LRRIQ1: variants seen among roughly 807,000 people sequenced by gnomAD.
LRRIQ1 encodes the protein leucine rich repeats and IQ motif containing 1.
Under a neutral mutation model 211.9 loss-of-function variants are expected in LRRIQ1, and 210 were observed. That is an observed-to-expected ratio of 0.99 (90% confidence interval 0.89 to 1.11). The LOEUF (loss-of-function observed/expected upper bound fraction) is 1.11. Ranked by LOEUF, LRRIQ1 falls within the 50% of genes most tolerant of loss-of-function variation. The pLI, the probability that LRRIQ1 is intolerant of heterozygous loss-of-function variation, is 0.00. For missense variants in LRRIQ1, 2,136 were observed against 1,939.5 expected, an observed-to-expected ratio of 1.10 and a Z score of -1.90; for synonymous variants, 699 against 650.1, an observed-to-expected ratio of 1.08 and a Z score of -1.14.
chr12:85,262,926 A>T lies in LRRIQ1; in HGVS notation c.133A>T (p.Lys45Ter). 1.0e-6 allele frequency: 1 copy of T among 984,220 alleles called. No individual in the cohort carries two copies. The highest frequency in any genetic ancestry group is 1.2e-6 in the Non-Finnish European group (1 of 826,656). The allele number at this position is 984,220 out of a possible 1,614,324, so 61.0% of individuals were successfully genotyped here. ...ATATCACTGTCTAGGTTGTTCAGTT[A>T]AGGGAATACCAATATCGCCAATAAT... Residue 45 changes from lysine to a stop codon, truncating the protein, a stop_gained, in exon 2 of 2, where the codon AAG becomes TAG. Coordinates refer to the LRRIQ1 transcript ENST00000602731. LOFTEE classifies it high-confidence loss of function.
At chr12:85,169,150 A>G (rs1236325408) in intron 24 of LRRIQ1, among the ~76,000 whole-genome samples, 1 of 152,178 alleles carries the variant, frequency 6.6e-6, no homozygotes, top group Non-Finnish European at 1.5e-5. Flanking sequence ...GAGATAGGAG[A>G]CAAAACTTCA....
intron 11 of LRRIQ1, among the ~76,000 whole-genome samples, chr12:85,091,791 A>G (rs1885423008): frequency 6.6e-6 from 1 of 152,160 alleles, no homozygotes; most frequent in Non-Finnish European, 1.5e-5. Context: ...AAAATTTGTT[A>G]AATATTAGAT....
chr12:85,130,770 G>A (rs1329182980), intron 18 of LRRIQ1, among the ~76,000 whole-genome samples: 2 of 152,090 alleles, frequency 1.3e-5, no homozygotes, highest in Non-Finnish European at 2.9e-5. Context: ...GCTTAAGAAG[G>A]ATCAAAATGA....
chr12:85,176,559 A>G (rs1891710791), intron 24 of LRRIQ1, among the ~76,000 whole-genome samples: 1 of 129,944 alleles, frequency 7.7e-6, no homozygotes, highest in Non-Finnish European at 1.6e-5. Context: ...ACATGGACAC[A>G]GGAAGGGGAA....
chr12:85,228,467 A>G (rs1894775684), intron 24 of LRRIQ1, among the ~76,000 whole-genome samples: 1 of 152,196 alleles, frequency 6.6e-6, no homozygotes, highest in Non-Finnish European at 1.5e-5. Flanking sequence ...TAGAAACATA[A>G]GGTCGCATAA....
chr12:85,076,125 C>G (rs1883625524), intron 11 of LRRIQ1, among the ~76,000 whole-genome samples: 1 of 150,376 alleles, frequency 6.6e-6, no homozygotes, highest in African/African-American at 2.4e-5. Context: ...GACATTTTTT[C>G]AAAATAAATT....
At chr12:85,078,889 T>A (rs1421233818) in intron 11 of LRRIQ1, among the ~76,000 whole-genome samples, 2 of 152,162 alleles carry the variant, frequency 1.3e-5, no homozygotes, top group Non-Finnish European at 2.9e-5. Context: ...AATAAAACTT[T>A]TGGATTCACA....
At chr12:85,200,012 A>G (rs1456563322) in intron 24 of LRRIQ1, among the ~76,000 whole-genome samples, 1 of 152,164 alleles carries the variant, frequency 6.6e-6, no homozygotes, top group Non-Finnish European at 1.5e-5. Flanking sequence ...GGAGTATATC[A>G]TTGGTAGTTT....
At position 85,153,005 on chromosome 12, in the gene LRRIQ1, T is replaced by A; in HGVS notation, c.4420-19T>A. ...ATTTTTTATTTTACTTCACACTTATTTACTTTTTTTGTGAAAAGATTCCTG... is the reference window on the plus strand; with the variant it reads ...ATTTTTTATTTTACTTCACACTTATATACTTTTTTTGTGAAAAGATTCCTG... On this transcript the variant is annotated intron_variant, in intron 20 of 26. Coordinates refer to ENST00000393217, the MANE Select transcript of LRRIQ1 (RefSeq NM_001079910.2). 1.3e-6 allele frequency: 2 copies of A among 1,519,994 alleles called. No individual in the cohort carries two copies. The highest frequency in any genetic ancestry group is 1.8e-6 in the Non-Finnish European group (2 of 1,114,040). 94.2% of individuals were successfully genotyped at this position (1,519,994 alleles called of 1,614,324 possible).
chr12:85,234,103 GGT>G (rs1284411169), intron 26 of LRRIQ1, among the ~76,000 whole-genome samples: 3 of 151,986 alleles, frequency 2.0e-5, no homozygotes, highest in Non-Finnish European at 4.4e-5. Flanking sequence ...TGAGCATGGG[GGT>G]GCACACCTGT....
At chr12:85,175,327 A>G (rs908716334) in intron 24 of LRRIQ1, among the ~76,000 whole-genome samples, 22 of 152,194 alleles carry the variant, frequency 1.4e-4, no homozygotes, top group African/African-American at 5.1e-4. Context: ...ATGATGACAG[A>G]GAACACCATG....
chr12:85,224,673 G>A (rs1276096307), intron 24 of LRRIQ1, among the ~76,000 whole-genome samples: 1 of 143,836 alleles, frequency 7.0e-6, no homozygotes, highest in Non-Finnish European at 1.5e-5. Flanking sequence ...TCATAATTGG[G>A]AGTTGAACAA....
At chr12:85,085,975 A>G (rs530081227) in intron 11 of LRRIQ1, among the ~76,000 whole-genome samples, 162 of 152,322 alleles carry the variant, frequency 1.1e-3, no homozygotes, top group Non-Finnish European at 2.0e-3. Context: ...TTGTTGGGTC[A>G]AATGGTAGTT....
chr12:85,048,779 A>T (rs1211188000), intron 6 of LRRIQ1, among the ~76,000 whole-genome samples: 2 of 152,172 alleles, frequency 1.3e-5, no homozygotes, highest in East Asian at 3.8e-4. Context: ...AATGTAGATT[A>T]TTGGAGTAGT....
At chr12:85,105,946 G>T (rs548939821) in intron 14 of LRRIQ1, among the ~76,000 whole-genome samples, 9 of 151,604 alleles carry the variant, frequency 5.9e-5, no homozygotes, top group Admixed American at 3.3e-4. Flanking sequence ...ACAGGCATGC[G>T]CCACCATGCC....
At position 85,121,695 on chromosome 12, in the gene LRRIQ1, A is replaced by T; in HGVS notation, c.3378-2A>T. ...TATTAACTTTTTTGTTGTTTTCAATAGGGATTCTCTACTTAAAGTGTTGCC... is the reference window on the plus strand; with the variant it reads ...TATTAACTTTTTTGTTGTTTTCAATTGGGATTCTCTACTTAAAGTGTTGCC... On this transcript the variant is annotated splice_acceptor_variant, in intron 15 of 26. Coordinates refer to ENST00000393217, the MANE Select transcript of LRRIQ1 (RefSeq NM_001079910.2). LOFTEE classifies it high-confidence loss of function. 1 of 1,560,408 alleles carries T rather than the reference A, an allele frequency of 6.4e-7. No homozygotes were observed. The highest frequency in any genetic ancestry group is 8.7e-7 in the Non-Finnish European group (1 of 1,155,940).
intron 24 of LRRIQ1, among the ~76,000 whole-genome samples, chr12:85,166,231 A>C (rs1891151325): frequency 6.6e-6 from 1 of 152,128 alleles, no homozygotes; most frequent in African/African-American, 2.4e-5. Flanking sequence ...GCCAGGAAAA[A>C]AATTTAGTCT....
At chr12:85,165,147 C>A (rs1469338612) in intron 24 of LRRIQ1, among the ~76,000 whole-genome samples, 1 of 151,808 alleles carries the variant, frequency 6.6e-6, no homozygotes, top group Non-Finnish European at 1.5e-5. Context: ...AAAATAATTC[C>A]AACTTTTATT....
chr12:85,271,652 A>C, the LRRIQ1 span, among the ~76,000 whole-genome samples: 1 of 152,040 alleles, frequency 6.6e-6, no homozygotes, highest in Non-Finnish European at 1.5e-5. Flanking sequence ...ATTTCTGTTA[A>C]TGTAATATAA....
Sources: gnomAD v4.1 joint callset for allele counts (sites outside exome capture counted in the v4.1 genomes callset) on GRCh38, gnomAD v4.1.1 for gene constraint, MANE v1.5 for transcripts, NCBI Gene and HGNC (gene_info 2026-07-23, HGNC 2026-07-21) for gene names.